The following NRG3 variants were observed in gnomAD, a reference collection of about 807,000 sequenced individuals.
NRG3 encodes neuregulin 3, also known as pro-neuregulin-3, membrane-bound isoform.
A neutral mutation model predicts 66.9 loss-of-function variants in NRG3; 31 were observed. That is an observed-to-expected ratio of 0.46 (90% CI 0.35 to 0.63). The LOEUF is 0.63. Ranked by LOEUF, NRG3 falls within the 20% of genes least tolerant of loss-of-function variation. The probability of loss-of-function intolerance (pLI) is 0.00; values close to 1 mark genes in which losing one functional copy is unlikely to be tolerated. For synonymous variants in NRG3, 393 were observed against 359.4 expected (o/e 1.09, Z -1.06); for missense variants, 910 against 878.9 (o/e 1.04, Z -0.45).
chr10:82,133,248 A>G (rs2069070556), intron 1 of NRG3, among the ~76,000 whole-genome samples: 1 of 151,912 alleles, frequency 6.6e-6, no homozygotes. Context: ...TATTTTTTTA[A>G]CATTGTTATT....
intron 1 of NRG3, among the ~76,000 whole-genome samples, chr10:81,910,764 ATGTC>A (rs1845060183): frequency 6.6e-6 from 1 of 151,958 alleles, no homozygotes; most frequent in African/African-American, 2.4e-5. Context: ...CCTTCCACCT[ATGTC>A]TGTCTCCTGA....
intron 2 of NRG3, among the ~76,000 whole-genome samples, chr10:82,641,596 G>A (rs2050586870): frequency 6.6e-6 from 1 of 152,134 alleles, no homozygotes; most frequent in Non-Finnish European, 1.5e-5. Context: ...GAGTACTCAT[G>A]ATCCAACCTG....
chr10:82,798,909 C>A (rs2060912263), intron 3 of NRG3, among the ~76,000 whole-genome samples: 2 of 152,106 alleles, frequency 1.3e-5, no homozygotes, highest in South Asian at 4.1e-4. Context: ...ACTGGCTGGG[C>A]TGGAGTCAGT....
chr10:82,602,134 A>T (rs868479276), intron 2 of NRG3, among the ~76,000 whole-genome samples: 4 of 151,676 alleles, frequency 2.6e-5, no homozygotes, highest in South Asian at 2.1e-4. Context: ...TAGTATATGC[A>T]ATTCTTTTTA....
chr10:82,514,935 T>C (rs1219011591), intron 2 of NRG3, among the ~76,000 whole-genome samples: 2 of 152,156 alleles, frequency 1.3e-5, no homozygotes, highest in African/African-American at 2.4e-5. Flanking sequence ...ATATAACCAC[T>C]GGATCACAGA....
At chr10:82,709,545 C>G (rs1424519656) in intron 2 of NRG3, among the ~76,000 whole-genome samples, 1 of 152,038 alleles carries the variant, frequency 6.6e-6, no homozygotes, top group Non-Finnish European at 1.5e-5. Context: ...CCATCCCCAG[C>G]TGATTTTTGT....
chr10:82,839,381 A>G (rs1463137240), intron 3 of NRG3, among the ~76,000 whole-genome samples: 1 of 152,122 alleles, frequency 6.6e-6, no homozygotes, highest in Non-Finnish European at 1.5e-5. Flanking sequence ...TACTACAATT[A>G]AGTGAGAAGA....
At chr10:82,962,579 C>T (rs758227462) in intron 6 of NRG3, among the ~76,000 whole-genome samples, 3 of 152,160 alleles carry the variant, frequency 2.0e-5, no homozygotes, top group Non-Finnish European at 4.4e-5. Flanking sequence ...TGGCTCACGC[C>T]TGTAATCCCA....
intron 1 of NRG3, among the ~76,000 whole-genome samples, chr10:81,919,692 A>G (rs1846067370): frequency 6.6e-6 from 1 of 152,266 alleles, no homozygotes; most frequent in Non-Finnish European, 1.5e-5. Flanking sequence ...GGAAACTGAG[A>G]TTAGATATTG....
At chr10:82,430,424 A>AT (rs1417901151) in intron 2 of NRG3, among the ~76,000 whole-genome samples, 6 of 151,570 alleles carry the variant, frequency 4.0e-5, no homozygotes, top group Admixed American at 2.0e-4. Context: ...TGCCTGGCTA[A>AT]TTTTTTCTAT....
chr10:81,982,964 A>C (rs1457902460), intron 1 of NRG3, among the ~76,000 whole-genome samples: 1 of 152,212 alleles, frequency 6.6e-6, no homozygotes, highest in Non-Finnish European at 1.5e-5. Context: ...ACTGTTGTAT[A>C]TCATCACTGT....
chr10:82,085,661 A>T (rs528485687), intron 1 of NRG3, among the ~76,000 whole-genome samples: 18 of 151,468 alleles, frequency 1.2e-4, no homozygotes, highest in South Asian at 2.1e-4. Context: ...TTTGAGATGG[A>T]GTTTCATTCT....
intron 2 of NRG3, among the ~76,000 whole-genome samples, chr10:82,504,823 T>TAATGAATA (rs1257923739): frequency 4.6e-5 from 7 of 152,230 alleles, no homozygotes; most frequent in African/African-American, 1.7e-4. Context: ...GGAACCCAGC[T>TAATGAATA]AATGAATAAA....
chr10:82,368,112 G>A (rs1739448531), intron 2 of NRG3, among the ~76,000 whole-genome samples: 1 of 104,890 alleles, frequency 9.5e-6, no homozygotes, highest in South Asian at 2.5e-4. Context: ...AGGATTATTT[G>A]AGGCTTGATA....
intron 2 of NRG3, among the ~76,000 whole-genome samples, chr10:82,555,496 A>G (rs2044590401): frequency 6.6e-6 from 1 of 152,198 alleles, no homozygotes; most frequent in African/African-American, 2.4e-5. Flanking sequence ...CCTAAAAGCT[A>G]CTGACCATCC....
intron 2 of NRG3, among the ~76,000 whole-genome samples, chr10:82,504,581 G>A (rs982708896): frequency 6.6e-6 from 1 of 152,174 alleles, no homozygotes; most frequent in African/African-American, 2.4e-5. Flanking sequence ...ACAGAGATAG[G>A]TTAATTTATA....
chr10:82,553,047 A>G (rs2044424668), intron 2 of NRG3, among the ~76,000 whole-genome samples: 1 of 151,968 alleles, frequency 6.6e-6, no homozygotes, highest in South Asian at 2.1e-4. Context: ...ACACACACAC[A>G]CACACACACA....
At chr10:82,346,530 T>C (rs1159869032) in intron 1 of NRG3, among the ~76,000 whole-genome samples, 2 of 152,052 alleles carry the variant, frequency 1.3e-5, no homozygotes, top group Non-Finnish European at 2.9e-5. Context: ...AATTCTCTTT[T>C]TTGGTTGAGT....
At chr10:82,039,005 G>A (rs1168798745) in intron 1 of NRG3, among the ~76,000 whole-genome samples, 1 of 152,102 alleles carries the variant, frequency 6.6e-6, no homozygotes, top group Non-Finnish European at 1.5e-5. Flanking sequence ...TGGAAACAAT[G>A]CACAGTTGTA....
Sources: gnomAD v4.1 joint callset for allele counts (sites outside exome capture counted in the v4.1 genomes callset) on GRCh38, gnomAD v4.1.1 for gene constraint, MANE v1.5 for transcripts, NCBI Gene and HGNC (gene_info 2026-07-23, HGNC 2026-07-21) for gene names.